The following VPS35L variants were observed in gnomAD, a reference collection of about 807,000 sequenced individuals.
VPS35L encodes the protein VPS35 endosomal protein sorting factor like.
VPS35L carries 83 observed loss-of-function variants against 133.0 expected under a neutral mutation model. That is an observed-to-expected ratio of 0.62 (90% CI 0.52 to 0.75). The LOEUF (loss-of-function observed/expected upper bound fraction) is 0.75, where lower values mean the gene tolerates loss of function less well. Among genes scored for constraint, VPS35L ranks in the 30% least tolerant of loss-of-function variants. The pLI is 0.00. For missense variants in VPS35L, 1,083 were observed against 1,206.8 expected (o/e 0.90, Z 1.52); for synonymous variants, 423 against 449.9 (o/e 0.94, Z 0.76).
intron 12 of VPS35L, among the ~76,000 whole-genome samples, chr16:19,611,475 C>A (rs1972718424): frequency 6.6e-6 from 1 of 152,102 alleles, no homozygotes; most frequent in Non-Finnish European, 1.5e-5. Context: ...GCAGTTAGAG[C>A]CTCCCCCATG....
chr16:19,682,174 C>T (rs1416711815), intron 27 of VPS35L, 51 bp from the exon 28 acceptor site: 1 of 1,585,818 alleles, frequency 6.3e-7, no homozygotes, highest in Non-Finnish European at 8.6e-7. Flanking sequence ...TTCTTTTTCC[C>T]TCCCTGCTTC....
At chr16:19,672,743 A>G (rs1974919309) in intron 27 of VPS35L, among the ~76,000 whole-genome samples, 2 of 152,240 alleles carry the variant, frequency 1.3e-5, no homozygotes, top group Non-Finnish European at 2.9e-5. Flanking sequence ...TCAGATCTCC[A>G]TATTAGTACT....
chr16:19,625,164 T>C (rs1280649877), intron 14 of VPS35L, among the ~76,000 whole-genome samples: 1 of 152,212 alleles, frequency 6.6e-6, no homozygotes, highest in Non-Finnish European at 1.5e-5. Flanking sequence ...AACGTGGCCT[T>C]TGATCCCAGT....
At chr16:19,673,132 T>A (rs890641197) in intron 27 of VPS35L, among the ~76,000 whole-genome samples, 3 of 152,216 alleles carry the variant, frequency 2.0e-5, no homozygotes, top group African/African-American at 7.2e-5. Flanking sequence ...TTAAATGAAA[T>A]GATAGCTGGG....
rs560709993 is a variant in VPS35L, at chr16:19,645,978, G to A, written c.1929+1029G>A. ...GGGCTTTTTTTTGCTGTTTTTTTTGGGGGGGTCGAGACAGGGGTTTCCAAC... is the reference window on the plus strand; with the variant it reads ...GGGCTTTTTTTTGCTGTTTTTTTTGAGGGGGTCGAGACAGGGGTTTCCAAC... On this transcript the variant is annotated intron_variant, in intron 23 of 30. Transcript: ENST00000417362. Among the ~76,000 whole-genome samples, 171 of 151,822 alleles carry A rather than the reference G, an allele frequency of 1.1e-3. 2 individuals carry two copies. The highest frequency in any genetic ancestry group is 1.1e-3 in the Non-Finnish European group (77 of 67,928).
At chr16:19,576,176 A>AC (rs1567393531) in intron 5 of VPS35L, among the ~76,000 whole-genome samples, 2 of 142,682 alleles carry the variant, frequency 1.4e-5, no homozygotes, top group Admixed American at 7.0e-5. Flanking sequence ...AAAAAAAAAA[A>AC]AAAACAAAAA....
chr16:19,610,601 T>C (rs144668198), intron 12 of VPS35L, 186 bp downstream of exon 12: 1 of 436,378 alleles, frequency 2.3e-6, no homozygotes, highest in Non-Finnish European at 4.0e-6. Context: ...AAATTAATTT[T>C]AAAGTAGACC....
intron 8 of VPS35L, among the ~76,000 whole-genome samples, chr16:19,601,372 A>G (rs1451652084): frequency 2.0e-5 from 3 of 152,194 alleles, no homozygotes; most frequent in Admixed American, 6.5e-5. Flanking sequence ...CTGGCCTAGC[A>G]TGGAGTGTGG....
chr16:19,681,889 T>A (rs535718309), intron 27 of VPS35L, among the ~76,000 whole-genome samples: 28 of 148,962 alleles, frequency 1.9e-4, no homozygotes, highest in African/African-American at 7.0e-4. Flanking sequence ...CCTTTTTTTT[T>A]AACTCCCACC....
chr16:19,685,843 C>T (rs1274822230), intron 28 of VPS35L, among the ~76,000 whole-genome samples: 1 of 152,132 alleles, frequency 6.6e-6, no homozygotes, highest in Admixed American at 6.5e-5. Flanking sequence ...GAGGACCAGA[C>T]AGAGACCTGG....
chr16:19,677,010 G>A (rs898814974), intron 27 of VPS35L, among the ~76,000 whole-genome samples: 3 of 151,864 alleles, frequency 2.0e-5, no homozygotes, highest in Non-Finnish European at 2.9e-5. Flanking sequence ...CCAGGAGTTC[G>A]AGACCAGCCT....
intron 23 of VPS35L, among the ~76,000 whole-genome samples, chr16:19,646,899 C>T (rs1366085657): frequency 6.6e-6 from 1 of 152,152 alleles, no homozygotes; most frequent in African/African-American, 2.4e-5. Context: ...ACAGTCTTCA[C>T]CTTCATTCTG....
At chr16:19,618,596 C>G (rs1972974268) in intron 14 of VPS35L, among the ~76,000 whole-genome samples, 1 of 152,206 alleles carries the variant, frequency 6.6e-6, no homozygotes. Context: ...GGTGTGGGCT[C>G]TGGAGTCGGG....
At chr16:19,690,344 A>G (rs536161894) in intron 28 of VPS35L, among the ~76,000 whole-genome samples, 2 of 152,232 alleles carry the variant, frequency 1.3e-5, no homozygotes, top group East Asian at 3.9e-4. Flanking sequence ...AGGGAGGAGG[A>G]AGGGAGGAGG....
Position 19,669,228 on chromosome 16 carries a change from A to C in VPS35L, c.2290A>C (p.Lys764Gln). The change falls in exon 27 of 31, where the codon AAG becomes CAG. Residue 764 changes from lysine to glutamine, a missense_variant. Physicochemically the swap from Lys to Gln is moderately conservative, Grantham distance 53. Transcript: ENST00000417362. ...TCCAAAGATGATTAATATTGATGGGAAGATGCGGCCATCGGAATCGTTCCT... is the reference window on the plus strand; with the variant it reads ...TCCAAAGATGATTAATATTGATGGGCAGATGCGGCCATCGGAATCGTTCCT... ...EVPKMINIDG[K>Q]MRPSESFLLE... 1 of 1,613,384 alleles carries C rather than the reference A, an allele frequency of 6.2e-7. No individual in the cohort carries two copies. Among genetic ancestry groups the C allele is most frequent in the Non-Finnish European group, 8.5e-7 (1 of 1,179,398 alleles).
At chr16:19,616,893 C>A in intron 14 of VPS35L, 85 bp downstream of exon 14, 1 of 1,566,710 alleles carries the variant, frequency 6.4e-7, no homozygotes. Context: ...GTTAATGGGA[C>A]CCTTTCATAA....
Position 19,623,762 on chromosome 16 carries a change from TTTATTTA to T in VPS35L, c.1225-2409_1225-2403del, listed in dbSNP as rs1451982540. On this transcript the variant is annotated intron_variant, in intron 14 of 30. Coordinates refer to ENST00000417362, the MANE Select transcript of VPS35L (RefSeq NM_020314.7). ...TTCTTTATTTTTTACTTTTTACTTA[TTTATTTA>T]TTATTATTATTATTATTATTATTAT... Among the ~76,000 whole-genome samples, 6 of 137,150 alleles carry T rather than the reference TTTATTTA, an allele frequency of 4.4e-5. No homozygotes were observed. The South Asian group carries it at 7.0e-4, about 16-fold the overall frequency. The allele number at this position is 137,150 out of a possible 152,430, so 90.0% of individuals were successfully genotyped here.
intron 1 of VPS35L, among the ~76,000 whole-genome samples, chr16:19,556,914 C>T (rs1970876551): frequency 6.6e-6 from 1 of 151,476 alleles, no homozygotes; most frequent in Non-Finnish European, 1.5e-5. Context: ...CACCTGAGGT[C>T]AGGGGTTCGA....
chr16:19,682,707 C>A (rs112082512), intron 28 of VPS35L, among the ~76,000 whole-genome samples: 1 of 152,222 alleles, frequency 6.6e-6, no homozygotes, highest in East Asian at 1.9e-4. Context: ...ACTAAAAAAA[C>A]AAAAATTAGC....
Sources: allele counts gnomAD v4.1 joint callset (sites outside exome capture counted in the v4.1 genomes callset), GRCh38; gene constraint gnomAD v4.1.1; transcripts MANE v1.5; gene names NCBI Gene and HGNC (gene_info 2026-07-23, HGNC 2026-07-21).